NOTCH2NLC: variants seen among roughly 807,000 people sequenced by gnomAD.
NOTCH2NLC encodes the protein notch 2 N-terminal like C, also known as notch homolog 2 N-terminal-like protein C.
Under a neutral mutation model 17.7 loss-of-function variants are expected in NOTCH2NLC, and 4 were observed. That is an observed-to-expected ratio of 0.23 (90% CI 0.11 to 0.52). The LOEUF (loss-of-function observed/expected upper bound fraction) is 0.52. Ranked by LOEUF, NOTCH2NLC falls within the 20% of genes least tolerant of loss-of-function variation. The pLI, the probability that NOTCH2NLC is intolerant of heterozygous loss-of-function variation, is 0.96. For missense variants in NOTCH2NLC, 57 were observed against 207.2 expected (o/e 0.28, Z 4.45); for synonymous variants, 18 against 86.0 (o/e 0.21, Z 4.38).
At chr1:149,433,948 CAAAAAAA>C (rs1167291606) in intron 2 of NOTCH2NLC, among the ~76,000 whole-genome samples, 3 of 105,178 alleles carry the variant, frequency 2.9e-5, no homozygotes, top group South Asian at 3.0e-4. Flanking sequence ...ACTGTGTCTC[CAAAAAAA>C]AAAAAAAAGA....
intron 2 of NOTCH2NLC, among the ~76,000 whole-genome samples, chr1:149,446,318 C>T (rs1177945192): frequency 1.0e-5 from 1 of 97,018 alleles, no homozygotes; most frequent in Admixed American, 1.1e-4. Flanking sequence ...TGGTTTTCAT[C>T]TGCTTAAGTG....
At chr1:149,394,506 AGAT>A (rs1277054853) in intron 1 of NOTCH2NLC, among the ~76,000 whole-genome samples, 1 of 151,132 alleles carries the variant, frequency 6.6e-6, no homozygotes, top group African/African-American at 2.4e-5. Context: ...TCATATATTT[AGAT>A]GATATAATAA....
At chr1:149,415,121 CTTTTTTTTTT>C (rs1253861178) in intron 1 of NOTCH2NLC, among the ~76,000 whole-genome samples, 1 of 94,758 alleles carries the variant, frequency 1.1e-5, no homozygotes, top group South Asian at 4.3e-4. Context: ...GTAAAGGCTC[CTTTTTTTTTT>C]TTTTTTTTTG....
chr1:149,417,284 A>G (rs1439710638), intron 1 of NOTCH2NLC, among the ~76,000 whole-genome samples: 2 of 148,670 alleles, frequency 1.3e-5, no homozygotes, highest in Non-Finnish European at 3.0e-5. Flanking sequence ...AATTTTTTGT[A>G]TTTTCAGTAG....
In NOTCH2NLC at chr1:149,402,173, G is replaced by A. The variant is rs1373015802; in HGVS notation, c.135+11251G>A. On this transcript the variant is annotated intron_variant, in intron 1 of 4. Transcript: ENST00000650865. Reference sequence around the variant, plus strand: ...CGGCTCACCGCAACCTCCACCTCCCGGGTTCAAATGATTCTCCTACCTCAG... The same window carrying A: ...CGGCTCACCGCAACCTCCACCTCCCAGGTTCAAATGATTCTCCTACCTCAG... Among the ~76,000 whole-genome samples, 453 of 150,416 alleles carry A rather than the reference G, an allele frequency of 3.0e-3. 15 individuals are homozygous for A. The highest frequency in any genetic ancestry group is 0.01 in the African/African-American group (426 of 41,018).
At position 149,471,199 on chromosome 1, in the gene NOTCH2NLC, TA is replaced by T. The variant is rs1432840819; in HGVS notation, c.*7053del. ...TTTTAATATTGAACTGTAATAGTTT[TA>T]AAAAAATATATCCTAAATACAAGTC... On this transcript the variant is annotated 3_prime_UTR_variant, in exon 5 of 5. Transcript: ENST00000650865. 6.6e-6 allele frequency among the ~76,000 whole-genome samples: 1 copy of T among 151,136 alleles called. No homozygotes were observed. Among genetic ancestry groups the T allele is most frequent in the Non-Finnish European group, 1.5e-5 (1 of 67,622 alleles).
At chr1:149,413,417 A>G (rs1387668368) in intron 1 of NOTCH2NLC, among the ~76,000 whole-genome samples, 1 of 151,148 alleles carries the variant, frequency 6.6e-6, no homozygotes, top group Non-Finnish European at 1.5e-5. Context: ...TCTGCCTTGG[A>G]TCCCCCAAAG....
chr1:149,390,703 T>TTCGGAGCGTAGCGCCAGGGCCTGAGCC lies in NOTCH2NLC; in HGVS notation c.-80_-79insGCGTAGCGCCAGGGCCTGAGCCTCGGA, dbSNP rs2084153240. On this transcript the variant is annotated 5_prime_UTR_variant, in exon 1 of 5. Transcript: ENST00000650865. ...GGAGTCGAGGCATTTGCGCCTGTGC[T>TTCGGAGCGTAGCGCCAGGGCCTGAGCC]TCGGACCGTAGCGCCAGGGCCTGAG... 3.2e-6 allele frequency: 4 copies of TTCGGAGCGTAGCGCCAGGGCCTGAGCC among 1,240,376 alleles called. No individual in the cohort carries two copies. The African/African-American group carries it at 6.5e-5, about 20-fold the overall frequency. The allele number at this position is 1,240,376 out of a possible 1,614,324, so 76.8% of individuals were successfully genotyped here.
chr1:149,433,450 A>T (rs1394170752), intron 2 of NOTCH2NLC, among the ~76,000 whole-genome samples: 9 of 150,986 alleles, frequency 6.0e-5, no homozygotes, highest in Admixed American at 3.3e-4. Context: ...AGCAAAATTT[A>T]AAAAAAGTTT....
In NOTCH2NLC at chr1:149,390,908, C is replaced by A; in HGVS notation, c.121C>A (p.Arg41=). The A allele has an allele frequency of 2.1e-6, 3 of 1,440,572 alleles. 1 individual carries two copies. The highest frequency in any genetic ancestry group is 2.7e-6 in the Non-Finnish European group (3 of 1,103,348). 89.2% of individuals were successfully genotyped at this position (1,440,572 alleles called of 1,614,324 possible). A position where few individuals can be genotyped will look rare whatever the true frequency, so the allele number is the denominator to read the frequency against. ...CTGCTGGCGCTCTGGCTGTGCTGCG[C>A]GACCCCCGCGCATGGTGAGTATCGG... ...GRCWRSGCAA[R]PPRMCRDGYE... Residue 41 remains arginine, a synonymous_variant, in exon 1 of 5, where the codon CGA becomes AGA. Coordinates refer to ENST00000650865, the MANE Select transcript of NOTCH2NLC (RefSeq NM_001364013.2).
At chr1:149,410,794 G>T (rs1195917205) in intron 1 of NOTCH2NLC, among the ~76,000 whole-genome samples, 1 of 147,156 alleles carries the variant, frequency 6.8e-6, no homozygotes, top group Non-Finnish European at 1.5e-5. Context: ...CCCAGGGAAT[G>T]TGCTTAGATA....
At chr1:149,436,961 G>A (rs1470984544) in intron 2 of NOTCH2NLC, among the ~76,000 whole-genome samples, 20 of 123,176 alleles carry the variant, frequency 1.6e-4, no homozygotes, top group Non-Finnish European at 3.1e-4. Context: ...GTTATTTATT[G>A]CATGCTATTT....
rs1174142866 is a variant in NOTCH2NLC at position 149,471,205 on chromosome 1, A to G, written c.*7052A>G. 6.6e-6 allele frequency among the ~76,000 whole-genome samples: 1 copy of G among 151,272 alleles called. No homozygotes were observed. The highest frequency in any genetic ancestry group is 1.5e-5 in the Non-Finnish European group (1 of 67,654). ...TATTGAACTGTAATAGTTTTAAAAA[A>G]ATATATCCTAAATACAAGTCTCTTA... is the stretch of plus-strand genomic sequence containing the variant. On this transcript the variant is annotated 3_prime_UTR_variant, in exon 5 of 5. Transcript: ENST00000650865.
At chr1:149,449,310 G>C (rs2084576338) in intron 2 of NOTCH2NLC, among the ~76,000 whole-genome samples, 1 of 150,042 alleles carries the variant, frequency 6.7e-6, no homozygotes, top group African/African-American at 2.5e-5. Flanking sequence ...ACAATACATA[G>C]TTAAGTACTT....
chr1:149,471,219 A>G lies in NOTCH2NLC; in HGVS notation c.*7066A>G, dbSNP rs2084717016. ...AGTTTTAAAAAAATATATCCTAAAT[A>G]CAAGTCTCTTATCAGATAATATGAC... On this transcript the variant is annotated 3_prime_UTR_variant, in exon 5 of 5. Transcript: ENST00000650865. 1.3e-5 allele frequency among the ~76,000 whole-genome samples: 2 copies of G among 151,474 alleles called. 1 individual carries two copies. Among genetic ancestry groups the G allele is most frequent in the South Asian group, 4.2e-4 (2 of 4,784 alleles).
chr1:149,416,803 G>T (rs1486960066), intron 1 of NOTCH2NLC, among the ~76,000 whole-genome samples: 1 of 147,250 alleles, frequency 6.8e-6, no homozygotes, highest in Non-Finnish European at 1.5e-5. Context: ...GTTTTCAAAA[G>T]TGGGGTTCTT....
intron 1 of NOTCH2NLC, among the ~76,000 whole-genome samples, chr1:149,426,576 C>CTTTTTTTTTTT (rs1224339764): frequency 1.9e-5 from 2 of 104,456 alleles, no homozygotes; most frequent in African/African-American, 3.5e-5. Context: ...TTCTTTTTGC[C>CTTTTTTTTTTT]TTTTTTTTTT....
chr1:149,398,058 C>G (rs2084217925), intron 1 of NOTCH2NLC, among the ~76,000 whole-genome samples: 1 of 150,290 alleles, frequency 6.7e-6, no homozygotes, highest in Non-Finnish European at 1.5e-5. Context: ...TATCTATGCT[C>G]TCTGAAAGCA....
At chr1:149,417,287 T>A in intron 1 of NOTCH2NLC, among the ~76,000 whole-genome samples, 1 of 150,340 alleles carries the variant, frequency 6.7e-6, no homozygotes, top group Non-Finnish European at 1.5e-5. Flanking sequence ...TTTTTGTATT[T>A]TCAGTAGAGA....
Sources: gnomAD v4.1 joint callset for allele counts (sites outside exome capture counted in the v4.1 genomes callset) on GRCh38, gnomAD v4.1.1 for gene constraint, MANE v1.5 for transcripts, NCBI Gene and HGNC (gene_info 2026-07-23, HGNC 2026-07-21) for gene names.